Variants in L3MBTL3 observed in about 807,000 individuals in gnomAD.
L3MBTL3 encodes the protein L3MBTL histone methyl-lysine binding protein 3.
Under a neutral mutation model 102.3 loss-of-function variants are expected in L3MBTL3, and 27 were observed. The observed-to-expected ratio is 0.26, with a 90% confidence interval of 0.19 to 0.36. The LOEUF is 0.36. L3MBTL3 is among the 10% of genes least tolerant of loss of function. The probability of loss-of-function intolerance (pLI) is 1.00; values close to 1 mark genes in which losing one functional copy is unlikely to be tolerated. For missense variants in L3MBTL3, 798 were observed against 955.3 expected, an observed-to-expected ratio of 0.84 and a Z score of 2.17; for synonymous variants, 340 against 320.9, an observed-to-expected ratio of 1.06 and a Z score of -0.64.
At position 130,120,965 on chromosome 6, in the gene L3MBTL3, A is replaced by G. The variant is rs755696539; in HGVS notation, c.1966+7A>G. ...ACATCACATGAAGCCAGAGGTAGCC[A>G]TAATAATTCTCATATTACTAATGTG... On this transcript the variant is annotated splice_region_variant and intron_variant, in intron 20 of 22. Transcript: ENST00000361794. 3 of 1,591,386 alleles carry G rather than the reference A, an allele frequency of 1.9e-6. No homozygotes were observed. In the South Asian group the frequency reaches 3.3e-5, roughly 18 times the overall value.
At chr6:130,040,221 G>C (rs1222064234) in intron 2 of L3MBTL3, among the ~76,000 whole-genome samples, 2 of 151,534 alleles carry the variant, frequency 1.3e-5, no homozygotes, top group Non-Finnish European at 2.9e-5. Flanking sequence ...CCCAGCTACT[G>C]AGGAGGCTGA....
At chr6:130,093,029 G>C (rs1784153510) in intron 17 of L3MBTL3, among the ~76,000 whole-genome samples, 170 bp downstream of exon 17, 2 of 151,824 alleles carry the variant, frequency 1.3e-5, no homozygotes, top group Non-Finnish European at 2.9e-5. Flanking sequence ...AAATATAAAT[G>C]GAAAAAAAAC....
At chr6:130,122,964 A>G (rs561757077) in intron 20 of L3MBTL3, among the ~76,000 whole-genome samples, 2 of 152,312 alleles carry the variant, frequency 1.3e-5, no homozygotes, top group South Asian at 2.1e-4. Context: ...ATAAGTGTCT[A>G]TTGTATGGAA....
chr6:130,106,760 A>G (rs1030050781), intron 19 of L3MBTL3, among the ~76,000 whole-genome samples: 1 of 152,190 alleles, frequency 6.6e-6, no homozygotes, highest in African/African-American at 2.4e-5. Flanking sequence ...CCAAGAGGTC[A>G]AAGAGCCCTT....
At chr6:130,079,318 T>G (rs890763419) in intron 14 of L3MBTL3, among the ~76,000 whole-genome samples, 1 of 152,212 alleles carries the variant, frequency 6.6e-6, no homozygotes, top group African/African-American at 2.4e-5. Context: ...CTCTGAAGTT[T>G]TCAGGCGCTT....
chr6:130,077,637 C>T (rs1488594686), intron 13 of L3MBTL3, among the ~76,000 whole-genome samples: 1 of 152,218 alleles, frequency 6.6e-6, no homozygotes, highest in Non-Finnish European at 1.5e-5. Flanking sequence ...CACCCACTTA[C>T]GATATTTTGT....
At chr6:130,035,980 T>TTG (rs71709041) in intron 2 of L3MBTL3, among the ~76,000 whole-genome samples, 1,735 of 149,298 alleles carry the variant, frequency 0.012, 35 homozygotes, top group East Asian at 0.07. Context: ...CCTACCTGTT[T>TTG]TGTGTGTGTG....
intron 5 of L3MBTL3, among the ~76,000 whole-genome samples, chr6:130,050,883 TAAAAG>T (rs1255293325): frequency 6.6e-6 from 1 of 152,194 alleles, no homozygotes; most frequent in African/African-American, 2.4e-5. Flanking sequence ...AAATGTGAAA[TAAAAG>T]AAGATCCTCT....
In L3MBTL3 at chr6:130,140,929, T is replaced by C. The variant is rs1247261894; in HGVS notation, c.*1176T>C. 6.6e-6 allele frequency: 1 copy of C among 152,642 alleles called. No homozygotes were observed. The highest frequency in any genetic ancestry group is 2.4e-5 in the African/African-American group (1 of 41,452). 9.5% of individuals were successfully genotyped at this position (152,642 alleles called of 1,614,324 possible). A position where few individuals can be genotyped will look rare whatever the true frequency, so the allele number is the denominator to read the frequency against. On this transcript the variant is annotated 3_prime_UTR_variant, in exon 23 of 23. Coordinates refer to ENST00000361794, the MANE Select transcript of L3MBTL3 (RefSeq NM_032438.4). ...GAACCTCCGTTTTGGAAGGATTCCT[T>C]TTTCTGTAGAATACTTTGCCTCGAT...
intron 18 of L3MBTL3, among the ~76,000 whole-genome samples, chr6:130,100,777 C>T (rs146011575): frequency 4.2e-4 from 64 of 152,166 alleles, no homozygotes; most frequent in South Asian, 1.9e-3. Flanking sequence ...AAATAGGTGA[C>T]GATGCTGCCC....
intron 13 of L3MBTL3, among the ~76,000 whole-genome samples, chr6:130,076,138 A>G (rs1782935998): frequency 6.6e-6 from 1 of 152,170 alleles, no homozygotes; most frequent in African/African-American, 2.4e-5. Flanking sequence ...AAATTGGTAG[A>G]GTCATCATGG....
intron 19 of L3MBTL3, among the ~76,000 whole-genome samples, chr6:130,104,794 C>T (rs1435335422): frequency 6.7e-6 from 1 of 150,316 alleles, no homozygotes; most frequent in Non-Finnish European, 1.5e-5. Context: ...GGATTTTTCT[C>T]TGACTCATTT....
intron 22 of L3MBTL3, among the ~76,000 whole-genome samples, chr6:130,139,153 A>G (rs1379778087): frequency 7.2e-6 from 1 of 138,276 alleles, no homozygotes; most frequent in Non-Finnish European, 1.5e-5. Context: ...TCTTTTCTTC[A>G]TGGTGGAAGG....
Position 130,089,292 on chromosome 6 carries a change from C to T in L3MBTL3, c.1518+3042C>T, listed in dbSNP as rs184723759. Among the ~76,000 whole-genome samples the T allele has an allele frequency of 2.2e-3, 335 of 151,460 alleles. 1 individual carries two copies. The highest frequency in any genetic ancestry group is 3.4e-3 in the Non-Finnish European group (234 of 67,886). On this transcript the variant is annotated intron_variant, in intron 16 of 22. Transcript: ENST00000361794. ...CCAAGTTTTCTCATTGTTCAGTTCC[C>T]GCCTATGAGTTAGAACATGCAGTGT...
intron 2 of L3MBTL3, among the ~76,000 whole-genome samples, chr6:130,026,989 T>TG (rs962393189): frequency 6.6e-6 from 1 of 152,118 alleles, no homozygotes; most frequent in Non-Finnish European, 1.5e-5. Context: ...AAGTAAAAGA[T>TG]GAAAACAGGG....
intron 22 of L3MBTL3, among the ~76,000 whole-genome samples, chr6:130,139,059 A>T (rs1452866423): frequency 6.7e-6 from 1 of 149,724 alleles, no homozygotes; most frequent in African/African-American, 2.5e-5. Flanking sequence ...TCACTGTTTG[A>T]TTGCCCCGTT....
At chr6:130,036,789 A>G (rs1285128392) in intron 2 of L3MBTL3, among the ~76,000 whole-genome samples, 2 of 152,238 alleles carry the variant, frequency 1.3e-5, no homozygotes, top group Non-Finnish European at 2.9e-5. Context: ...TATATTAAGA[A>G]CTTTGGCCCT....
intron 18 of L3MBTL3, among the ~76,000 whole-genome samples, chr6:130,101,098 G>A (rs1056177111): frequency 4.6e-5 from 7 of 152,056 alleles, no homozygotes; most frequent in African/African-American, 1.7e-4. Context: ...TTGCTGCCAC[G>A]AAGCTTAAGT....
chr6:130,028,294 A>AG (rs1779483737), intron 2 of L3MBTL3, among the ~76,000 whole-genome samples: 2 of 152,206 alleles, frequency 1.3e-5, no homozygotes, highest in Non-Finnish European at 2.9e-5. Flanking sequence ...CCATTGCAAC[A>AG]TTATAAATAG....
Sources: gnomAD v4.1 joint callset for allele counts (sites outside exome capture counted in the v4.1 genomes callset) on GRCh38, gnomAD v4.1.1 for gene constraint, MANE v1.5 for transcripts, NCBI Gene and HGNC (gene_info 2026-07-23, HGNC 2026-07-21) for gene names.